DEF8: variants seen among roughly 807,000 people sequenced by gnomAD.
The protein encoded by DEF8 is differentially expressed in FDCP 8 homolog.
DEF8 carries 38 observed loss-of-function variants against 59.1 expected under a neutral mutation model. The observed-to-expected ratio is 0.64, with a 90% confidence interval of 0.50 to 0.84. The LOEUF (loss-of-function observed/expected upper bound fraction) is 0.84. DEF8 is among the 40% of genes least tolerant of loss of function. The pLI is 0.00. For synonymous variants in DEF8, 265 were observed against 250.1 expected (o/e 1.06, Z -0.56); for missense variants, 557 against 615.2 (o/e 0.91, Z 1.00).
Position 89,959,946 on chromosome 16 carries a change from G to A in DEF8, c.514+791G>A, listed in dbSNP as rs574626628. On this transcript the variant is annotated intron_variant, in intron 6 of 12. Coordinates refer to ENST00000563594, the MANE Select transcript of DEF8 (RefSeq NM_001242818.2). ...GAGAGCCAGGTGTGGCTGCAGCTTT[G>A]TGTCTGGAGGACTGTTCCGGTGGGG... 1.2e-4 allele frequency among the ~76,000 whole-genome samples: 18 copies of A among 152,242 alleles called. No individual in the cohort carries two copies. In the East Asian group the frequency reaches 3.5e-3, roughly 29 times the overall value.
chr16:89,957,609 G>A lies in DEF8; in HGVS notation c.321G>A (p.Lys107=), dbSNP rs1187737702. 6.3e-7 allele frequency: 1 copy of A among 1,581,810 alleles called. No homozygotes were observed. The highest frequency in any genetic ancestry group is 8.6e-7 in the Non-Finnish European group (1 of 1,164,388). Reference sequence around the variant, plus strand: ...TGCCCGAGCAGTCGGAGAAGCAGAAGGATGCCGTGGTGCGACTCATCCACC... The same window carrying A: ...TGCCCGAGCAGTCGGAGAAGCAGAAAGATGCCGTGGTGCGACTCATCCACC... ...LELPEQSEKQ[K]DAVVRLIHLR... The change falls in exon 5 of 13, where the codon AAG becomes AAA. Residue 107 remains lysine, a synonymous_variant. Coordinates refer to ENST00000563594, the MANE Select transcript of DEF8 (RefSeq NM_001242818.2).
At position 89,948,863 on chromosome 16, in the gene DEF8, G is replaced by GGGT. The variant is rs1491567563; in HGVS notation, c.-108+49_-108+50insGGT. The GGGT allele has an allele frequency of 8.7e-6, 6 of 688,712 alleles. No individual in the cohort carries two copies. In the African/African-American group the frequency reaches 1.8e-4, roughly 21 times the overall value. 42.7% of individuals were successfully genotyped at this position (688,712 alleles called of 1,614,324 possible). On this transcript the variant is annotated intron_variant, in intron 1 of 12. Coordinates refer to ENST00000563594, the MANE Select transcript of DEF8 (RefSeq NM_001242818.2). The stretch of plus-strand genomic sequence containing the variant: ...GTCGGGGCCGGCGGGGACGGGGCCG[G>GGGT]CGGGGACGGGGCCGGCGGGGACGGG...
chr16:89,956,204 T>G (rs1251432993), intron 4 of DEF8, among the ~76,000 whole-genome samples: 2 of 146,438 alleles, frequency 1.4e-5, no homozygotes, highest in Non-Finnish European at 3.0e-5. Flanking sequence ...ACGCCTGTAA[T>G]CCAGCACTTT....
chr16:89,952,038 T>C (rs929929327), intron 2 of DEF8, among the ~76,000 whole-genome samples: 20 of 152,260 alleles, frequency 1.3e-4, no homozygotes, highest in South Asian at 2.1e-4. Context: ...CCACCACACC[T>C]GGCTAATTTT....
intron 6 of DEF8, 184 bp downstream of exon 6, chr16:89,959,339 G>A: frequency 6.9e-7 from 1 of 1,440,840 alleles, no homozygotes; most frequent in Non-Finnish European, 9.1e-7. Context: ...GGGCTGTTCT[G>A]GATGAGAAAT....
In DEF8 at chr16:89,965,995, G is replaced by C. The variant is rs2034580415; in HGVS notation, c.*32G>C. On this transcript the variant is annotated 3_prime_UTR_variant, in exon 13 of 13. Transcript: ENST00000563594. The stretch of plus-strand genomic sequence containing the variant: ...GGAACAGTGCTGGGCACCCCGCCTG[G>C]CCCGCCAGGACCCACCCTGCCAACA... The C allele has an allele frequency of 6.5e-7, 1 of 1,549,242 alleles. No homozygotes were observed. Among genetic ancestry groups the C allele is most frequent in the African/African-American group, 1.4e-5 (1 of 73,548 alleles).
chr16:89,965,057 G>A (rs1005414937), intron 12 of DEF8, among the ~76,000 whole-genome samples: 2 of 151,804 alleles, frequency 1.3e-5, no homozygotes, highest in Admixed American at 6.6e-5. Context: ...ATGCTCTCGC[G>A]TTTTTTTTCC....
Position 89,959,093 on chromosome 16 carries a change from A to C in DEF8, c.452A>C (p.Gln151Pro). 1 of 1,613,950 alleles carries C rather than the reference A, an allele frequency of 6.2e-7. No homozygotes were observed. Among genetic ancestry groups the C allele is most frequent in the Non-Finnish European group, 8.5e-7 (1 of 1,180,034 alleles). ...FYKEKSKSVK[Q>P]TCDKCNTIIW... Reference sequence around the variant, plus strand: ...AAGGAGAAGAGCAAGAGCGTCAAGCAGACCTGTGACAAGTGTAACACCATC... The same window carrying C: ...AAGGAGAAGAGCAAGAGCGTCAAGCCGACCTGTGACAAGTGTAACACCATC... The change falls in exon 6 of 13, where the codon CAG becomes CCG. Residue 151 changes from glutamine to proline, a missense_variant. By Grantham distance (76) the Gln-to-Pro change is moderately conservative. Transcript: ENST00000563594.
rs778986917 is a variant in DEF8 at position 89,958,652 on chromosome 16, G to A, written c.373-362G>A. ...GGCCTCTATGACAGCTAATGGTGTT[G>A]GGGAGGGCCTCCTTTTCCATTGCCC... On this transcript the variant is annotated intron_variant, in intron 5 of 12. Coordinates refer to ENST00000563594, the MANE Select transcript of DEF8 (RefSeq NM_001242818.2). 1.1e-5 allele frequency: 3 copies of A among 283,332 alleles called. No individual in the cohort carries two copies. The East Asian group carries it at 2.7e-4, about 25-fold the overall frequency. The allele number at this position is 283,332 out of a possible 1,614,324, so 17.6% of individuals were successfully genotyped here.
At position 89,961,862 on chromosome 16, in the gene DEF8, A is replaced by G; in HGVS notation, c.805A>G (p.Lys269Glu). The G allele has an allele frequency of 6.3e-7, 1 of 1,599,940 alleles. No homozygotes were observed. Among genetic ancestry groups the G allele is most frequent in the South Asian group, 1.1e-5 (1 of 89,316 alleles). ...ACACAACTGGGACTTTGAGCCTCGA[A>G]AGGTGGGGGTTGGAAGGTGGGGGCA... ...VVHNWDFEPR[K>E]VSRCSMRYLA... is the part of the protein sequence containing the mutation. The change falls in exon 8 of 13, where the codon AAG becomes GAG. Residue 269 changes from lysine (K) to glutamate (E), a missense_variant and splice_region_variant. Lys to Glu is a moderately conservative substitution (Grantham distance 56). Coordinates refer to ENST00000563594, the MANE Select transcript of DEF8 (RefSeq NM_001242818.2).
intron 10 of DEF8, 184 bp from the exon 11 acceptor site, chr16:89,963,986 G>A (rs747631538): frequency 1.0e-5 from 8 of 778,350 alleles, no homozygotes; most frequent in Admixed American, 5.9e-5. Context: ...GTCAGGAAAC[G>A]TGGCCCGGGT....
rs2034590368 is a variant in DEF8 at position 89,966,136 on chromosome 16, G to A, written c.*173G>A. The A allele has an allele frequency of 1.8e-6, 1 of 557,884 alleles. No individual in the cohort carries two copies. Among genetic ancestry groups the A allele is most frequent in the Non-Finnish European group, 3.2e-6 (1 of 310,718 alleles). 34.6% of individuals were successfully genotyped at this position (557,884 alleles called of 1,614,324 possible). The stretch of plus-strand genomic sequence containing the variant: ...GCCCGCTGTCTCCCAGGTGCTTGCT[G>A]GGACTCGGGGCGGCTGCACCTGGCT... On this transcript the variant is annotated 3_prime_UTR_variant, in exon 13 of 13. Transcript: ENST00000563594.
Position 89,966,284 on chromosome 16 carries a change from A to C in DEF8, c.*321A>C. The stretch of plus-strand genomic sequence containing the variant: ...TCCCCCATGGCACAGAGCCCTCCAC[A>C]CCCCTGGACCAGGGCATCCGGGCCC... On this transcript the variant is annotated 3_prime_UTR_variant, in exon 13 of 13. Transcript: ENST00000563594. 8.9e-6 allele frequency: 2 copies of C among 223,834 alleles called. No individual in the cohort carries two copies. Among genetic ancestry groups the C allele is most frequent in the Non-Finnish European group, 1.8e-5 (2 of 110,052 alleles). The allele number at this position is 223,834 out of a possible 1,614,324, so 13.9% of individuals were successfully genotyped here. A position where few individuals can be genotyped will look rare whatever the true frequency, so the allele number is the denominator to read the frequency against.
chr16:89,962,925 G>A (rs1476721729), intron 9 of DEF8, among the ~76,000 whole-genome samples: 1 of 152,244 alleles, frequency 6.6e-6, no homozygotes, highest in African/African-American at 2.4e-5. Flanking sequence ...GGCGGGAGCC[G>A]AGGGCAGACG....
chr16:89,965,598 C>T (rs1229722486), intron 12 of DEF8, among the ~76,000 whole-genome samples: 1 of 152,162 alleles, frequency 6.6e-6, no homozygotes, highest in Non-Finnish European at 1.5e-5. Flanking sequence ...GCGTGGCCAC[C>T]TGGCTCAGCC....
In DEF8 at chr16:89,967,196, C is replaced by T. The variant is rs528915783; in HGVS notation, c.*1233C>T. 524 of 398,296 alleles carry T rather than the reference C, an allele frequency of 1.3e-3. 3 individuals carry two copies. Among genetic ancestry groups the T allele is most frequent in the Non-Finnish European group, 1.9e-3 (421 of 226,152 alleles). 24.7% of individuals were successfully genotyped at this position (398,296 alleles called of 1,614,324 possible). On this transcript the variant is annotated 3_prime_UTR_variant, in exon 13 of 13. Transcript: ENST00000563594. ...GGTGCTCCTGTCTGTCCTTTTCCCC[C>T]ACACCCTGGACTGTGCTTGGCTGTT...
At chr16:89,953,951 G>C (rs1196805788) in intron 2 of DEF8, among the ~76,000 whole-genome samples, 1 of 152,236 alleles carries the variant, frequency 6.6e-6, no homozygotes, top group East Asian at 1.9e-4. Flanking sequence ...AGGACCCTGT[G>C]CTGGGAGGCA....
intron 2 of DEF8, among the ~76,000 whole-genome samples, chr16:89,953,397 G>C (rs567569688): frequency 3.9e-5 from 6 of 152,180 alleles, no homozygotes; most frequent in African/African-American, 1.2e-4. Context: ...GGAGCCATCA[G>C]CCCTGTGTGT....
intron 9 of DEF8, among the ~76,000 whole-genome samples, chr16:89,962,418 G>A (rs1411579885): frequency 6.6e-6 from 1 of 152,242 alleles, no homozygotes; most frequent in East Asian, 1.9e-4. Context: ...CAGCACTTGG[G>A]AGGCTGAGGT....
Sources: gnomAD v4.1 joint callset for allele counts (sites outside exome capture counted in the v4.1 genomes callset) on GRCh38, gnomAD v4.1.1 for gene constraint, MANE v1.5 for transcripts, NCBI Gene and HGNC (gene_info 2026-07-23, HGNC 2026-07-21) for gene names.